Variants in EHD4 observed in about 807,000 individuals in gnomAD.
The protein encoded by EHD4 is EH domain containing 4.
A neutral mutation model predicts 51.0 loss-of-function variants in EHD4; 37 were observed. The ratio of observed to expected loss-of-function variants is 0.73; its 90% CI spans 0.56 to 0.95. The LOEUF is 0.95. Ranked by LOEUF, EHD4 falls within the 40% of genes least tolerant of loss-of-function variation. The pLI is 0.00. For missense variants in EHD4, 632 were observed against 733.1 expected (o/e 0.86, Z 1.59); for synonymous variants, 297 against 317.3 (o/e 0.94, Z 0.68).
At chr15:41,942,777 G>A (rs1202870393) in intron 3 of EHD4, 10 of 283,442 alleles carry the variant, frequency 3.5e-5, no homozygotes, top group Non-Finnish European at 6.2e-5. Context: ...CAACACCCCC[G>A]AGGCCAAGCC....
chr15:41,909,137 GC>G (rs1469311867), intron 5 of EHD4, among the ~76,000 whole-genome samples: 66 of 152,326 alleles, frequency 4.3e-4, no homozygotes, highest in Middle Eastern at 3.4e-3. Context: ...GGCTGGAGCT[GC>G]CCAGCCACAA....
rs181613498 is a variant in EHD4 at position 41,917,185 on chromosome 15, A to G, written c.924+2025T>C. Among the ~76,000 whole-genome samples, 22 of 152,050 alleles carry G rather than the reference A, an allele frequency of 1.4e-4. No homozygotes were observed. The East Asian group carries it at 4.3e-3, about 29-fold the overall frequency. On this transcript the variant is annotated intron_variant, in intron 4 of 5. Transcript: ENST00000220325. ...GCCTAGGCTGGAGTGCAGTGGCACGATCTTGGCTCACTGCAACCTCCACCT... is the reference window on the plus strand; with the variant it reads ...GCCTAGGCTGGAGTGCAGTGGCACGGTCTTGGCTCACTGCAACCTCCACCT...
chr15:41,947,193 T>C (rs1299379365), intron 2 of EHD4, among the ~76,000 whole-genome samples: 2 of 152,208 alleles, frequency 1.3e-5, no homozygotes, highest in Non-Finnish European at 2.9e-5. Flanking sequence ...GAACCACTGC[T>C]GTGTGGCATA....
intron 3 of EHD4, among the ~76,000 whole-genome samples, chr15:41,924,704 T>C (rs2067649877): frequency 6.6e-6 from 1 of 152,156 alleles, no homozygotes; most frequent in Non-Finnish European, 1.5e-5. Flanking sequence ...GGAAAGTTTC[T>C]ATATCTTGAT....
chr15:41,972,136 C>A, intron 1 of EHD4, 123 bp downstream of exon 1: 1 of 1,054,362 alleles, frequency 9.5e-7, no homozygotes, highest in Non-Finnish European at 1.2e-6. Flanking sequence ...GGGCGCCGAG[C>A]TCCGGGAGGG....
At chr15:41,916,539 A>C (rs149903510) in intron 4 of EHD4, among the ~76,000 whole-genome samples, 1 of 152,394 alleles carries the variant, frequency 6.6e-6, no homozygotes, top group East Asian at 1.9e-4. Context: ...GATCAAGAGA[A>C]AGGTTAATAA....
At chr15:41,957,029 A>G (rs1013682669) in intron 1 of EHD4, among the ~76,000 whole-genome samples, 4 of 152,206 alleles carry the variant, frequency 2.6e-5, no homozygotes, top group African/African-American at 9.7e-5. Context: ...ATGTGTTAGA[A>G]GCCTTTAAAA....
intron 3 of EHD4, among the ~76,000 whole-genome samples, chr15:41,940,740 A>C (rs182703886): frequency 1.3e-5 from 2 of 152,334 alleles, no homozygotes; most frequent in Admixed American, 1.3e-4. Flanking sequence ...AAGTGATACA[A>C]AGAACTGATC....
rs2067468954 is a variant in EHD4 at position 41,900,587 on chromosome 15, G to A, written c.*58C>T. On this transcript the variant is annotated 3_prime_UTR_variant, in exon 6 of 6. Coordinates refer to ENST00000220325, the MANE Select transcript of EHD4 (RefSeq NM_139265.4). This position sits in a 1 kb window ranked among gnomAD's most constrained non-coding sequence, Gnocchi z 4.8. ...CCCAAGGTCATTCGGTGAGTCAGTG[G>A]TGGAGCAGGCCTGAGGCCCAGGTCC... The A allele has an allele frequency of 6.8e-7, 1 of 1,480,424 alleles. No individual in the cohort carries two copies. The highest frequency in any genetic ancestry group is 1.3e-5 in the South Asian group (1 of 75,298). The allele number at this position is 1,480,424 out of a possible 1,614,324, so 91.7% of individuals were successfully genotyped here. A position where few individuals can be genotyped will look rare whatever the true frequency, so the allele number is the denominator to read the frequency against.
intron 4 of EHD4, among the ~76,000 whole-genome samples, chr15:41,916,340 G>A (rs1595532657): frequency 1.3e-5 from 2 of 152,306 alleles, no homozygotes; most frequent in Admixed American, 6.5e-5. Flanking sequence ...AGGTTTGAAC[G>A]TATACTTTGC....
intron 1 of EHD4, among the ~76,000 whole-genome samples, chr15:41,965,607 G>T (rs1224935527): frequency 6.6e-6 from 1 of 152,234 alleles, no homozygotes; most frequent in South Asian, 2.1e-4. Flanking sequence ...GACCCACAGA[G>T]ATTTCGACTC....
At chr15:41,914,186 G>C (rs1247095023) in intron 4 of EHD4, among the ~76,000 whole-genome samples, 1 of 152,198 alleles carries the variant, frequency 6.6e-6, no homozygotes, top group Non-Finnish European at 1.5e-5. Flanking sequence ...TTCATGGAAT[G>C]TGAGGATCAG....
chr15:41,948,307 C>T (rs942785327), intron 2 of EHD4, among the ~76,000 whole-genome samples: 4 of 152,014 alleles, frequency 2.6e-5, no homozygotes, highest in African/African-American at 9.7e-5. Flanking sequence ...CAGGGAACCA[C>T]CACAAATCTT....
intron 4 of EHD4, among the ~76,000 whole-genome samples, chr15:41,917,096 CTTATTTATTTATTTAT>C (rs56087855): frequency 0.069 from 9,843 of 141,838 alleles, 399 homozygotes; most frequent in South Asian, 0.1. Flanking sequence ...CTTTCTGCTC[CTTATTTATTTATTTAT>C]TTATTTATTT....
chr15:41,932,916 G>A (rs192365299), intron 3 of EHD4, among the ~76,000 whole-genome samples: 5 of 152,198 alleles, frequency 3.3e-5, no homozygotes, highest in Admixed American at 6.5e-5. Flanking sequence ...AGCTGGGTCC[G>A]TCTATTCTGG....
chr15:41,965,729 G>A (rs2067957525), intron 1 of EHD4, among the ~76,000 whole-genome samples: 1 of 152,236 alleles, frequency 6.6e-6, no homozygotes, highest in Non-Finnish European at 1.5e-5. Flanking sequence ...TTTTGAAAAG[G>A]ACATTGAACA....
In EHD4 at chr15:41,909,784, A is replaced by C. The variant is rs1359846242; in HGVS notation, c.1004T>G (p.Ile335Ser). The C allele has an allele frequency of 1.9e-6, 3 of 1,614,046 alleles. No individual in the cohort carries two copies. The highest frequency in any genetic ancestry group is 2.5e-6 in the Non-Finnish European group (3 of 1,180,060). The change falls in exon 5 of 6, where the codon ATC becomes AGC. Residue 335 changes from isoleucine (I) to serine (S), a missense_variant. Ile to Ser is a moderately radical substitution (Grantham distance 142). Coordinates refer to ENST00000220325, the MANE Select transcript of EHD4 (RefSeq NM_139265.4). Reference sequence around the variant, plus strand: ...AATGTAGATTTCCGGTAGCCTGCTGATAAGCTCTCTCTTCTTGTTTTCCTT... The same window carrying C: ...AATGTAGATTTCCGGTAGCCTGCTGCTAAGCTCTCTCTTCTTGTTTTCCTT... ...FGKENKKRELISRLPEIYIQL... is the reference protein window; with the variant it reads ...FGKENKKRELSSRLPEIYIQL...
At chr15:41,943,722 C>G (rs985698192) in intron 2 of EHD4, among the ~76,000 whole-genome samples, 3 of 152,226 alleles carry the variant, frequency 2.0e-5, no homozygotes, top group Non-Finnish European at 2.9e-5. Context: ...TGCACTGGCC[C>G]ACTGGGCTGG....
intron 1 of EHD4, 86 bp from the exon 2 acceptor site, chr15:41,954,026 A>G: frequency 7.0e-7 from 1 of 1,421,246 alleles, no homozygotes; most frequent in Non-Finnish European, 9.7e-7. Flanking sequence ...CAATTTTTTT[A>G]CATAATCATT....
Sources: allele counts gnomAD v4.1 joint callset (sites outside exome capture counted in the v4.1 genomes callset), GRCh38; gene constraint gnomAD v4.1.1; non-coding constraint Gnocchi (gnomAD v3.1); transcripts MANE v1.5; gene names NCBI Gene and HGNC (gene_info 2026-07-23, HGNC 2026-07-21).